ITFG1: variants seen among roughly 807,000 people sequenced by gnomAD.
The protein encoded by ITFG1 is T-cell immunomodulatory protein.
Under a neutral mutation model 81.8 loss-of-function variants are expected in ITFG1, and 34 were observed. That is an observed-to-expected ratio of 0.42 (90% CI 0.32 to 0.55). The LOEUF is 0.55. Ranked by LOEUF, ITFG1 falls within the 20% of genes least tolerant of loss-of-function variation. The pLI is 0.17. For synonymous variants in ITFG1, 285 were observed against 270.6 expected, an observed-to-expected ratio of 1.05 and a Z score of -0.52; for missense variants, 672 against 755.4, an observed-to-expected ratio of 0.89 and a Z score of 1.29.
intron 10 of ITFG1, among the ~76,000 whole-genome samples, chr16:47,286,289 T>TTA (rs565700839): frequency 8.5e-4 from 129 of 152,250 alleles, no homozygotes; most frequent in African/African-American, 3.0e-3. Flanking sequence ...GCCCCGTCAA[T>TTA]TATATGATAT....
rs534660977 is a variant in ITFG1 at position 47,288,804 on chromosome 16, G to A, written c.1070+22436C>T. Among the ~76,000 whole-genome samples, 11 of 152,230 alleles carry A rather than the reference G, an allele frequency of 7.2e-5. No individual in the cohort carries two copies. The East Asian group carries it at 1.9e-3, about 27-fold the overall frequency. ...TCCCAGCTACTTGGGGCTGAGGCAC[G>A]AGAATCGCTTGAACCCAAGAAGTGG... On this transcript the variant is annotated intron_variant, in intron 10 of 17. Transcript: ENST00000320640.
upstream of ITFG1, chr16:47,461,116 G>T: frequency 7.2e-7 from 1 of 1,384,606 alleles, no homozygotes; most frequent in Non-Finnish European, 9.6e-7. Context: ...CCGCGTTACC[G>T]GCCGAGAGAG....
chr16:47,366,396 C>T (rs1968177560), intron 7 of ITFG1, among the ~76,000 whole-genome samples: 1 of 152,142 alleles, frequency 6.6e-6, no homozygotes, highest in South Asian at 2.1e-4. Context: ...AATCCATCAA[C>T]TCAAGTTTAC....
At position 47,455,714 on chromosome 16, in the gene ITFG1, A is replaced by G. The variant is rs1031938377; in HGVS notation, c.282-1556T>C. ...AACCCAGGAGGTGGAGATTGCAGTGAGCCAAGATTGGACCATTGCACTCTA... is the reference window on the plus strand; with the variant it reads ...AACCCAGGAGGTGGAGATTGCAGTGGGCCAAGATTGGACCATTGCACTCTA... On this transcript the variant is annotated intron_variant, in intron 2 of 17. Transcript: ENST00000320640. 1.3e-4 allele frequency among the ~76,000 whole-genome samples: 19 copies of G among 147,132 alleles called. No individual in the cohort carries two copies. The East Asian group carries it at 3.7e-3, about 29-fold the overall frequency.
chr16:47,375,680 GA>G (rs1308643875), intron 7 of ITFG1, among the ~76,000 whole-genome samples, 195 bp downstream of exon 7: 2 of 152,234 alleles, frequency 1.3e-5, no homozygotes, highest in African/African-American at 4.8e-5. Flanking sequence ...AAAACCTGCA[GA>G]GTAACTGATG....
At chr16:47,346,434 G>A (rs1269626688) in intron 8 of ITFG1, among the ~76,000 whole-genome samples, 2 of 152,162 alleles carry the variant, frequency 1.3e-5, no homozygotes, top group African/African-American at 4.8e-5. Context: ...TAGTCAGAGG[G>A]ATGACTACAG....
chr16:47,258,811 T>C, intron 11 of ITFG1, 71 bp from the exon 12 acceptor site: 2 of 614,934 alleles, frequency 3.3e-6, no homozygotes, highest in Non-Finnish European at 5.5e-6. Flanking sequence ...ACCATTAAAA[T>C]GCATGGCATA....
chr16:47,290,144 TAC>T (rs968684062), intron 10 of ITFG1, among the ~76,000 whole-genome samples: 1 of 152,176 alleles, frequency 6.6e-6, no homozygotes, highest in African/African-American at 2.4e-5. Flanking sequence ...TTTCTTTGGT[TAC>T]AGATTTCTAG....
intron 14 of ITFG1, 161 bp downstream of exon 14, chr16:47,218,707 C>A: frequency 2.6e-6 from 1 of 387,388 alleles, no homozygotes; most frequent in Non-Finnish European, 4.5e-6. Flanking sequence ...TCATAAGAAC[C>A]TTTTATAATC....
chr16:47,275,524 C>A (rs1314241778), intron 10 of ITFG1, among the ~76,000 whole-genome samples: 1 of 152,132 alleles, frequency 6.6e-6, no homozygotes, highest in African/African-American at 2.4e-5. Flanking sequence ...ATTTAACGTT[C>A]TGAATCCAAC....
intron 14 of ITFG1, among the ~76,000 whole-genome samples, chr16:47,197,635 A>C (rs1023956219): frequency 2.0e-5 from 3 of 152,204 alleles, no homozygotes. Flanking sequence ...AAACCTCTTT[A>C]AATAGTTGAC....
chr16:47,446,932 G>A (rs921133513), intron 5 of ITFG1, among the ~76,000 whole-genome samples: 2 of 151,240 alleles, frequency 1.3e-5, no homozygotes, highest in Admixed American at 6.6e-5. Flanking sequence ...GTGCAATCAC[G>A]GCTCACTGCA....
chr16:47,199,290 C>CCAAACCAAAA (rs1181100254), intron 14 of ITFG1, among the ~76,000 whole-genome samples: 24 of 151,532 alleles, frequency 1.6e-4, no homozygotes, highest in African/African-American at 4.6e-4. Context: ...CCAAACCAAA[C>CCAAACCAAAA]CAAAACAAAA....
At chr16:47,324,045 GATAGAGT>G (rs1407480159) in intron 8 of ITFG1, among the ~76,000 whole-genome samples, 6 of 152,172 alleles carry the variant, frequency 3.9e-5, no homozygotes, top group Non-Finnish European at 8.8e-5. Context: ...ACTATGCACA[GATAGAGT>G]ATAATTTTTC....
chr16:47,409,454 C>G (rs1178776461), intron 6 of ITFG1, among the ~76,000 whole-genome samples: 2 of 105,202 alleles, frequency 1.9e-5, no homozygotes, highest in Non-Finnish European at 3.5e-5. Flanking sequence ...CTCACTCTGT[C>G]CCCCAGGCTG....
At chr16:47,348,912 T>G (rs1596917735) in intron 8 of ITFG1, among the ~76,000 whole-genome samples, 1 of 152,216 alleles carries the variant, frequency 6.6e-6, no homozygotes, top group Non-Finnish European at 1.5e-5. Context: ...TATTCAACAT[T>G]CTTAAAGAAA....
At chr16:47,338,025 A>G (rs1226844469) in intron 8 of ITFG1, among the ~76,000 whole-genome samples, 1 of 152,266 alleles carries the variant, frequency 6.6e-6, no homozygotes, top group Non-Finnish European at 1.5e-5. Context: ...AAAACATTAG[A>G]TGAACACGAA....
intron 13 of ITFG1, among the ~76,000 whole-genome samples, chr16:47,223,791 A>G (rs1965723772): frequency 2.6e-5 from 4 of 152,330 alleles, no homozygotes; most frequent in East Asian, 1.9e-4. Flanking sequence ...CACTATTTGT[A>G]ATAGCAAAGA....
intron 14 of ITFG1, among the ~76,000 whole-genome samples, chr16:47,167,414 C>T (rs1431338066): frequency 2.0e-4 from 30 of 152,078 alleles, no homozygotes; most frequent in Admixed American, 1.3e-3. Flanking sequence ...TGTAAATGGC[C>T]GGTCCTTGCC....
Sources: allele counts gnomAD v4.1 joint callset (sites outside exome capture counted in the v4.1 genomes callset), GRCh38; gene constraint gnomAD v4.1.1; transcripts MANE v1.5; gene names NCBI Gene and HGNC (gene_info 2026-07-23, HGNC 2026-07-21).